RBFOX1: variants seen among roughly 807,000 people sequenced by gnomAD.
RBFOX1 encodes the protein RNA binding fox-1 homolog 1.
A neutral mutation model predicts 57.7 loss-of-function variants in RBFOX1; 8 were observed. The observed-to-expected ratio is 0.14, with a 90% CI of 0.08 to 0.25. The LOEUF (loss-of-function observed/expected upper bound fraction) is 0.25, where lower values mean the gene tolerates loss of function less well. Among genes scored for constraint, RBFOX1 ranks in the 10% least tolerant of loss-of-function variants. The probability of loss-of-function intolerance (pLI) is 1.00; values close to 1 mark genes in which losing one functional copy is unlikely to be tolerated. For missense variants in RBFOX1, 611 were observed against 548.5 expected (o/e 1.11, Z -1.14); for synonymous variants, 326 against 222.4 (o/e 1.47, Z -4.15).
chr16:7,039,027 C>A (rs541796498), intron 3 of RBFOX1, among the ~76,000 whole-genome samples: 8 of 124,688 alleles, frequency 6.4e-5, no homozygotes, highest in African/African-American at 2.6e-4. Context: ...TATTACCAAA[C>A]AATATGATGT....
chr16:6,603,841 G>A (rs987191527), intron 2 of RBFOX1, among the ~76,000 whole-genome samples: 1 of 152,054 alleles, frequency 6.6e-6, no homozygotes, highest in African/African-American at 2.4e-5. Context: ...ATAGACAGTT[G>A]TCCATGTGAC....
At chr16:7,707,931 A>G (rs1043498271) in intron 14 of RBFOX1, among the ~76,000 whole-genome samples, 1 of 152,210 alleles carries the variant, frequency 6.6e-6, no homozygotes, top group Non-Finnish European at 1.5e-5. Context: ...GAAGGACGTC[A>G]GCTTCAGTCA....
chr16:6,663,332 A>G (rs949502228), intron 3 of RBFOX1, among the ~76,000 whole-genome samples: 1 of 152,206 alleles, frequency 6.6e-6, no homozygotes, highest in Non-Finnish European at 1.5e-5. Context: ...GAGTTGATCA[A>G]CACTGACAAT....
intron 3 of RBFOX1, among the ~76,000 whole-genome samples, chr16:5,726,496 G>A (rs542685241): frequency 7.0e-4 from 106 of 152,258 alleles, no homozygotes; most frequent in Middle Eastern, 6.8e-3. Flanking sequence ...TTCACTCTGT[G>A]GTGACCAGAA....
chr16:6,059,283 G>A (rs1236485753), intron 1 of RBFOX1: 1 of 152,190 alleles, frequency 6.6e-6, no homozygotes, highest in Non-Finnish European at 1.5e-5. Flanking sequence ...TCCCTAAGCA[G>A]TGGCCATTAT....
chr16:5,422,697 T>G (rs1177901889), intron 1 of RBFOX1, among the ~76,000 whole-genome samples: 923 of 26,616 alleles, frequency 0.035, no homozygotes, highest in African/African-American at 0.039. Flanking sequence ...AGGAGAGGGA[T>G]GGGGAGGAAA....
rs1181153669 is a variant in RBFOX1, at chr16:7,341,716, TTCCC to T, written c.28-176415_28-176412del. 4.3e-4 allele frequency among the ~76,000 whole-genome samples: 62 copies of T among 143,654 alleles called. 1 individual carries two copies. The East Asian group carries it at 5.5e-3, about 13-fold the overall frequency. The allele number at this position is 143,654 out of a possible 152,430, so 94.2% of individuals were successfully genotyped here. ...CTACCTTCCTTCCTTCCTTCCTTCC[TTCCC>T]TCCCTCCCTCCCTCCTTCCCTCCCT... On this transcript the variant is annotated intron_variant, in intron 4 of 15. Transcript: ENST00000550418.
intron 3 of RBFOX1, chr16:5,838,603 A>G (rs551794738): frequency 1.1e-4 from 17 of 159,948 alleles, no homozygotes; most frequent in South Asian, 7.8e-4. Flanking sequence ...CTTTCTTCCA[A>G]TGATACTTTG....
intron 2 of RBFOX1, among the ~76,000 whole-genome samples, chr16:6,454,651 C>G (rs985935938): frequency 2.0e-5 from 3 of 152,092 alleles, no homozygotes; most frequent in Admixed American, 6.5e-5. Context: ...ATACTTAAAA[C>G]CAGCACTTCA....
chr16:7,498,750 T>C (rs949808076), intron 4 of RBFOX1, among the ~76,000 whole-genome samples: 5 of 152,146 alleles, frequency 3.3e-5, no homozygotes, highest in African/African-American at 9.7e-5. Context: ...GTGGCTACCA[T>C]GTTAGGACAG....
intron 3 of RBFOX1, among the ~76,000 whole-genome samples, chr16:6,901,467 C>G (rs1030134134): frequency 1.3e-5 from 2 of 152,156 alleles, no homozygotes; most frequent in Admixed American, 1.3e-4. Context: ...ATGTCTGCCC[C>G]TACGACTCTT....
intron 3 of RBFOX1, among the ~76,000 whole-genome samples, chr16:5,811,728 C>T (rs758078840): frequency 4.6e-5 from 7 of 152,290 alleles, no homozygotes; most frequent in Non-Finnish European, 7.4e-5. Flanking sequence ...GGATTACAGA[C>T]GTGAGCCACC....
intron 1 of RBFOX1, among the ~76,000 whole-genome samples, chr16:6,238,084 C>G (rs1598679404): frequency 8.0e-6 from 1 of 125,356 alleles, no homozygotes; most frequent in African/African-American, 3.2e-5. Context: ...GAATGAGACT[C>G]TGTCTCAAAA....
chr16:7,660,013 A>G (rs996288672), intron 12 of RBFOX1, among the ~76,000 whole-genome samples: 1 of 152,184 alleles, frequency 6.6e-6, no homozygotes, highest in African/African-American at 2.4e-5. Context: ...TGAACACCTT[A>G]AAAAGTTTAT....
chr16:5,889,494 C>T (rs1037794769), intron 4 of RBFOX1, among the ~76,000 whole-genome samples: 6 of 152,162 alleles, frequency 3.9e-5, no homozygotes, highest in Admixed American at 1.3e-4. Flanking sequence ...GATTTCATGT[C>T]TTTACTATGT....
chr16:6,716,774 T>A (rs759289394), intron 3 of RBFOX1, among the ~76,000 whole-genome samples: 1 of 152,238 alleles, frequency 6.6e-6, no homozygotes, highest in East Asian at 1.9e-4. Flanking sequence ...ATTTTTTTTT[T>A]CCCTGGGGTT....
At chr16:6,492,529 A>C (rs1016332848) in intron 2 of RBFOX1, among the ~76,000 whole-genome samples, 1 of 152,220 alleles carries the variant, frequency 6.6e-6, no homozygotes, top group African/African-American at 2.4e-5. Flanking sequence ...AGATGGTGCC[A>C]CTGCACTACA....
intron 4 of RBFOX1, among the ~76,000 whole-genome samples, chr16:7,304,866 C>T (rs2096134772): frequency 6.6e-6 from 1 of 151,204 alleles, no homozygotes. Context: ...AGTGTTAATT[C>T]AGCTGATTTA....
intron 4 of RBFOX1, among the ~76,000 whole-genome samples, chr16:7,468,854 A>C (rs1001039976): frequency 6.6e-6 from 1 of 151,936 alleles, no homozygotes; most frequent in Non-Finnish European, 1.5e-5. Context: ...AAGGGTGGGG[A>C]GGTTGCGAGG....
Sources: gnomAD v4.1 joint callset for allele counts (sites outside exome capture counted in the v4.1 genomes callset) on GRCh38, gnomAD v4.1.1 for gene constraint, MANE v1.5 for transcripts, NCBI Gene and HGNC (gene_info 2026-07-23, HGNC 2026-07-21) for gene names.